PLXNC1: variants seen among roughly 807,000 people sequenced by gnomAD.
PLXNC1 encodes the protein plexin-C1.
A neutral mutation model predicts 178.2 loss-of-function variants in PLXNC1; 75 were observed. The ratio of observed to expected loss-of-function variants is 0.42; its 90% CI spans 0.35 to 0.51. PLXNC1 has a LOEUF of 0.51. Ranked by LOEUF, PLXNC1 falls within the 20% of genes least tolerant of loss-of-function variation. PLXNC1 has a pLI of 0.02. For missense variants in PLXNC1, 1,503 were observed against 1,984.4 expected, an observed-to-expected ratio of 0.76 and a Z score of 4.61; for synonymous variants, 790 against 779.9, an observed-to-expected ratio of 1.01 and a Z score of -0.22.
At chr12:94,297,459 C>G (rs367977203) in intron 26 of PLXNC1, 36 bp downstream of exon 26, 1 of 1,373,276 alleles carries the variant, frequency 7.3e-7, no homozygotes, top group Non-Finnish European at 1.0e-6. Flanking sequence ...TTATGGCTAC[C>G]TAGGGGGTGT....
intron 9 of PLXNC1, among the ~76,000 whole-genome samples, chr12:94,230,906 T>C (rs1344703462): frequency 6.6e-6 from 1 of 152,210 alleles, no homozygotes; most frequent in Admixed American, 6.5e-5. Context: ...GAGGCATTTA[T>C]TGCACACCTA....
chr12:94,298,785 A>AAAAC lies in PLXNC1; in HGVS notation c.4234_4237dup (p.Ser1413LysfsTer20). The AAAAC allele has an allele frequency of 6.2e-7, 1 of 1,610,630 alleles. No homozygotes were observed. The highest frequency in any genetic ancestry group is 8.5e-7 in the Non-Finnish European group (1 of 1,179,234). ...AGATCCTGACGTCGTACATATTTGG[A>AAAAC]AAACAAACAGGTGGGAATGTAGGTG... On this transcript the variant is annotated frameshift_variant, in exon 27 of 31. Coordinates refer to ENST00000258526, the MANE Select transcript of PLXNC1 (RefSeq NM_005761.3). LOFTEE classifies it high-confidence loss of function.
At chr12:94,152,472 C>G (rs929560073) in intron 1 of PLXNC1, among the ~76,000 whole-genome samples, 2 of 152,198 alleles carry the variant, frequency 1.3e-5, no homozygotes, top group Admixed American at 6.5e-5. Context: ...GATCAGTGTG[C>G]CCCTGGCTGT....
At chr12:94,196,044 G>T (rs954012191) in intron 4 of PLXNC1, among the ~76,000 whole-genome samples, 2 of 152,100 alleles carry the variant, frequency 1.3e-5, no homozygotes, top group South Asian at 2.1e-4. Flanking sequence ...TTAACCTGCT[G>T]GGATCCTTCC....
intron 4 of PLXNC1, among the ~76,000 whole-genome samples, chr12:94,195,834 A>G (rs985470080): frequency 6.6e-5 from 10 of 152,250 alleles, no homozygotes; most frequent in African/African-American, 2.4e-4. Flanking sequence ...TGGGAATAAC[A>G]GAAGGGTATT....
chr12:94,192,804 A>G (rs528913545), intron 4 of PLXNC1, among the ~76,000 whole-genome samples: 15 of 152,320 alleles, frequency 9.8e-5, no homozygotes, highest in African/African-American at 2.9e-4. Context: ...ACTCTAGTGG[A>G]AGATTCTGCA....
At chr12:94,208,982 A>G (rs913697274) in intron 4 of PLXNC1, among the ~76,000 whole-genome samples, 3 of 152,218 alleles carry the variant, frequency 2.0e-5, no homozygotes, top group Non-Finnish European at 4.4e-5. Flanking sequence ...TGTTTCACCT[A>G]TATCTTTTGA....
In PLXNC1 at chr12:94,213,868, A is replaced by ATTT. The variant is rs779977778; in HGVS notation, c.1554+4178_1554+4180dup. ...AAGGGATCCAGTTTCCGCTTTCTACATTTTTTTTTTTTTTTTGAGATGGAG... is the reference window on the plus strand; with the variant it reads ...AAGGGATCCAGTTTCCGCTTTCTACATTTTTTTTTTTTTTTTTTTGAGATGGAG... On this transcript the variant is annotated intron_variant, in intron 5 of 30. Transcript: ENST00000258526. Among the ~76,000 whole-genome samples, 70 of 140,970 alleles carry ATTT rather than the reference A, an allele frequency of 5.0e-4. 1 individual carries two copies. The highest frequency in any genetic ancestry group is 1.8e-3 in the African/African-American group (66 of 37,590). The allele number at this position is 140,970 out of a possible 152,430, so 92.5% of individuals were successfully genotyped here.
At chr12:94,266,956 G>A (rs964327493) in intron 21 of PLXNC1, among the ~76,000 whole-genome samples, 1 of 152,196 alleles carries the variant, frequency 6.6e-6, no homozygotes, top group African/African-American at 2.4e-5. Context: ...CCCAGGCGTG[G>A]ATGTATTTTG....
intron 4 of PLXNC1, among the ~76,000 whole-genome samples, chr12:94,197,901 GAC>G (rs1962974538): frequency 6.6e-6 from 1 of 152,150 alleles, no homozygotes; most frequent in Non-Finnish European, 1.5e-5. Flanking sequence ...GTATAAGAAA[GAC>G]ACGGCACTCA....
chr12:94,152,895 G>A (rs547025788), intron 1 of PLXNC1, among the ~76,000 whole-genome samples: 1 of 152,296 alleles, frequency 6.6e-6, no homozygotes, highest in African/African-American at 2.4e-5. Context: ...TGTGTAATGA[G>A]TGTGTACTCA....
At chr12:94,298,564 G>T (rs1968160098) in intron 26 of PLXNC1, 68 bp from the exon 27 acceptor site, 1 of 1,237,534 alleles carries the variant, frequency 8.1e-7, no homozygotes, top group African/African-American at 1.5e-5. Context: ...ATTTGCTTTT[G>T]CTATTATGTT....
At chr12:94,294,012 A>G (rs1252335326) in intron 23 of PLXNC1, among the ~76,000 whole-genome samples, 1 of 152,112 alleles carries the variant, frequency 6.6e-6, no homozygotes, top group Admixed American at 6.5e-5. Context: ...TCCTAATACC[A>G]TCACACTGGG....
At chr12:94,278,530 C>T (rs11107495) in intron 21 of PLXNC1, among the ~76,000 whole-genome samples, 3,321 of 152,280 alleles carry the variant, frequency 0.022, 41 homozygotes, top group East Asian at 0.06. Context: ...GGAGAATGTT[C>T]ACTGACAAAA....
intron 9 of PLXNC1, chr12:94,227,586 G>A: frequency 4.4e-6 from 1 of 229,278 alleles, no homozygotes; most frequent in Non-Finnish European, 8.7e-6. Context: ...CGTTTCTGGG[G>A]GTTATGTGTG....
Position 94,149,550 on chromosome 12 carries a change from C to T in PLXNC1, c.579C>T (p.Arg193=). 1 of 1,555,124 alleles carries T rather than the reference C, an allele frequency of 6.4e-7. No homozygotes were observed. The highest frequency in any genetic ancestry group is 8.7e-7 in the Non-Finnish European group (1 of 1,155,300). Residue 193 remains arginine, a synonymous_variant, in exon 1 of 31, where the codon CGC becomes CGT. Transcript: ENST00000258526. The part of the protein sequence containing the change: ...YVLPEPETAS[R]CNPAASDHDT... ...TGCCTGAGCCGGAGACGGCGAGCCG[C>T]TGCAACCCCGCGGCATCCGACCACG...
chr12:94,220,115 C>G lies in PLXNC1; in HGVS notation c.1654C>G (p.Pro552Ala). 6.2e-7 allele frequency: 1 copy of G among 1,613,962 alleles called. No homozygotes were observed. Among genetic ancestry groups the G allele is most frequent in the Non-Finnish European group, 8.5e-7 (1 of 1,179,894 alleles). ...SRELCQNKSQPNRTCTCSIPT... is the reference protein window; with the variant it reads ...SRELCQNKSQANRTCTCSIPT... ...GGAGCTCTGCCAGAATAAAAGTCAGCCCAACCGGACCTGCACCTGTAGCAT... is the reference window on the plus strand; with the variant it reads ...GGAGCTCTGCCAGAATAAAAGTCAGGCCAACCGGACCTGCACCTGTAGCAT... Residue 552 changes from proline (P) to alanine (A), a missense_variant, in exon 6 of 31, where the codon CCC becomes GCC. Transcript: ENST00000258526.
chr12:94,292,105 GAACT>G (rs1403635336), intron 23 of PLXNC1, among the ~76,000 whole-genome samples: 1 of 152,068 alleles, frequency 6.6e-6, no homozygotes, highest in East Asian at 1.9e-4. Context: ...CATACTACAT[GAACT>G]AACACATAGT....
At chr12:94,228,346 T>C (rs1247007012) in intron 9 of PLXNC1, among the ~76,000 whole-genome samples, 1 of 152,190 alleles carries the variant, frequency 6.6e-6, no homozygotes, top group Non-Finnish European at 1.5e-5. Flanking sequence ...AGACAGTGGC[T>C]TTGTGGCTTT....
Sources: allele counts gnomAD v4.1 joint callset (sites outside exome capture counted in the v4.1 genomes callset), GRCh38; gene constraint gnomAD v4.1.1; transcripts MANE v1.5; gene names NCBI Gene and HGNC (gene_info 2026-07-23, HGNC 2026-07-21).